OR6B3: variants seen among roughly 807,000 people sequenced by gnomAD.
The protein encoded by OR6B3 is olfactory receptor 6B3.
For missense variants in OR6B3, 315 were observed against 427.4 expected (o/e 0.74, Z 2.32); for synonymous variants, 148 against 187.8 (o/e 0.79, Z 1.73).
exon 2 of OR6B3, chr2:240,045,214 G>T: frequency 6.2e-7 from 1 of 1,614,218 alleles, no homozygotes; most frequent in Non-Finnish European, 8.5e-7. Context: ...TATATCAAGG[G>T]GTTCAAGATG....
chr2:240,049,159 G>A (rs559493430), upstream of OR6B3, among the ~76,000 whole-genome samples: 5 of 152,348 alleles, frequency 3.3e-5, no homozygotes, highest in African/African-American at 7.2e-5. Flanking sequence ...TGGCTGGGCC[G>A]CTTGGTGGCT....
upstream of OR6B3, among the ~76,000 whole-genome samples, chr2:240,049,957 T>A (rs184642761): frequency 6.1e-3 from 931 of 152,204 alleles, 10 homozygotes; most frequent in African/African-American, 0.022. Context: ...TCCTTAAAAA[T>A]TTTAATAGTA....
At chr2:240,045,267 C>A in exon 2 of OR6B3, 5 of 1,614,212 alleles carry the variant, frequency 3.1e-6, no homozygotes, top group Non-Finnish European at 3.4e-6. Flanking sequence ...CTTGTTGGAG[C>A]TCCGGGAATC....
At chr2:240,049,391 T>A (rs1172392996), upstream of OR6B3, among the ~76,000 whole-genome samples, 2 of 152,226 alleles carry the variant, frequency 1.3e-5, no homozygotes, top group Non-Finnish European at 2.9e-5. Flanking sequence ...CTGGAGGGTA[T>A]GAAACTCGAA....
chr2:240,049,906 G>C (rs115042811), upstream of OR6B3, among the ~76,000 whole-genome samples: 1 of 152,006 alleles, frequency 6.6e-6, no homozygotes, highest in Non-Finnish European at 1.5e-5. Flanking sequence ...AATCAAAAGG[G>C]TATGTTATAT....
At chr2:240,051,265 C>CT (rs540541602), upstream of OR6B3, among the ~76,000 whole-genome samples, 326 of 152,314 alleles carry the variant, frequency 2.1e-3, 2 homozygotes, top group Non-Finnish European at 3.7e-3. Flanking sequence ...CAGTGGTCCT[C>CT]TTCCAGCTTC....
At chr2:240,045,503 C>A (rs1218384773) in exon 2 of OR6B3, 1 of 1,613,618 alleles carries the variant, frequency 6.2e-7, no homozygotes, top group South Asian at 1.1e-5. Context: ...TGGAGAAGTC[C>A]GTGCAGGCCA....
the OR6B3 span, among the ~76,000 whole-genome samples, chr2:240,052,744 G>T: frequency 1.3e-5 from 2 of 152,320 alleles, no homozygotes; most frequent in East Asian, 1.9e-4. This position sits in a 1 kb window ranked among gnomAD's most constrained non-coding sequence, Gnocchi z 4.5. Context: ...GGCCCGACAC[G>T]CATAGCCTGC....
chr2:240,053,407 C>T, the OR6B3 span, among the ~76,000 whole-genome samples: 35 of 152,216 alleles, frequency 2.3e-4, no homozygotes, highest in African/African-American at 8.4e-4. The surrounding 1 kb of genome is among the most constrained non-coding windows in gnomAD (Gnocchi z 4.1). Context: ...GCACCCTGCT[C>T]GCAGCATGGC....
At chr2:240,050,191 A>G (rs1014190875), upstream of OR6B3, among the ~76,000 whole-genome samples, 8 of 152,308 alleles carry the variant, frequency 5.3e-5, no homozygotes, top group East Asian at 1.5e-3. Context: ...GGTTGGTGCA[A>G]AAGTAATTGC....
At chr2:240,049,479 A>G (rs1324166008), upstream of OR6B3, among the ~76,000 whole-genome samples, 1 of 152,204 alleles carries the variant, frequency 6.6e-6, no homozygotes, top group East Asian at 1.9e-4. Context: ...GTCTGAATGT[A>G]GGAGTTTTAA....
chr2:240,046,650 C>T (rs1698193516), intron 1 of OR6B3, among the ~76,000 whole-genome samples: 1 of 152,086 alleles, frequency 6.6e-6, no homozygotes, highest in Non-Finnish European at 1.5e-5. Context: ...CCGGAGCCTC[C>T]CAGGCCAAGA....
chr2:240,052,649 C>A, the OR6B3 span, among the ~76,000 whole-genome samples: 2 of 152,298 alleles, frequency 1.3e-5, no homozygotes, highest in South Asian at 4.1e-4. The surrounding 1 kb of genome is among the most constrained non-coding windows in gnomAD (Gnocchi z 4.5). Flanking sequence ...ATGGACAGAG[C>A]CTGCGATGCC....
At chr2:240,048,585 CT>C (rs2106527860), upstream of OR6B3, among the ~76,000 whole-genome samples, 1 of 152,264 alleles carries the variant, frequency 6.6e-6, no homozygotes, top group African/African-American at 2.4e-5. Flanking sequence ...TCTCTCACTA[CT>C]GACCAAGGCA....
At chr2:240,045,293 G>A (rs1698165052) in exon 2 of OR6B3, 1 of 1,614,058 alleles carries the variant, frequency 6.2e-7, no homozygotes, top group African/African-American at 1.3e-5. Flanking sequence ...CCTGGGGCCG[G>A]ACATACATGA....
chr2:240,046,450 G>A (rs1343813869), intron 1 of OR6B3, among the ~76,000 whole-genome samples: 5 of 152,194 alleles, frequency 3.3e-5, no homozygotes, highest in African/African-American at 1.2e-4. Flanking sequence ...TCCTCCAGGG[G>A]ATGAGCCCTG....
upstream of OR6B3, among the ~76,000 whole-genome samples, chr2:240,049,161 T>C (rs1022568050): frequency 2.0e-5 from 3 of 152,196 alleles, no homozygotes; most frequent in African/African-American, 7.2e-5. Context: ...GCTGGGCCGC[T>C]TGGTGGCTGT....
At chr2:240,045,118 G>C (rs936663546) in exon 2 of OR6B3, 2 of 1,608,302 alleles carry the variant, frequency 1.2e-6, no homozygotes, top group African/African-American at 2.7e-5. Flanking sequence ...AGTTCCAGAA[G>C]ACTAGAAAGC....
At position 240,045,759 on chromosome 2, in the gene OR6B3, C is replaced by G. The variant is rs560578405; in HGVS notation, c.314G>C (p.Ser105Thr). Residue 105 changes from serine to threonine, a missense_variant, in exon 2 of 2, where the codon AGC becomes ACC. Transcript: ENST00000641019. ...CACACACTCGGTGCACACCAGGGAG[C>G]TGAAGAAGTAGAGCTGCGTCATGCA... 109 of 1,415,894 alleles carry G rather than the reference C, an allele frequency of 7.7e-5. No individual in the cohort carries two copies. The African/African-American group carries it at 1.4e-3, about 18-fold the overall frequency. The allele number at this position is 1,415,894 out of a possible 1,614,324, so 87.7% of individuals were successfully genotyped here.
Sources: allele counts gnomAD v4.1 joint callset (sites outside exome capture counted in the v4.1 genomes callset), GRCh38; gene constraint gnomAD v4.1.1; non-coding constraint Gnocchi (gnomAD v3.1); transcripts MANE v1.5; gene names NCBI Gene and HGNC (gene_info 2026-07-23, HGNC 2026-07-21).